Variants in MATN1 observed in about 807,000 individuals in gnomAD.
MATN1 encodes matrilin 1.
MATN1 carries 34 observed loss-of-function variants against 41.3 expected under a neutral mutation model. The observed-to-expected ratio is 0.82, with a 90% CI of 0.63 to 1.10. The LOEUF (loss-of-function observed/expected upper bound fraction) is 1.10. Among genes scored for constraint, MATN1 ranks in the 50% least tolerant of loss-of-function variants. The probability of loss-of-function intolerance (pLI) is 0.00; values close to 1 mark genes in which losing one functional copy is unlikely to be tolerated. For synonymous variants in MATN1, 264 were observed against 278.7 expected (o/e 0.95, Z 0.53); for missense variants, 602 against 662.4 (o/e 0.91, Z 1.00).
chr1:30,716,532 A>G (rs1206692260), intron 4 of MATN1, among the ~76,000 whole-genome samples: 2 of 152,278 alleles, frequency 1.3e-5, no homozygotes, highest in African/African-American at 4.8e-5. Flanking sequence ...CACACAGCTC[A>G]GAAGTGGTAG....
rs34067621 is a variant in MATN1 at position 30,718,589 on chromosome 1, G to GCAC, written c.664+145_664+146insGTG. 119 of 183,028 alleles carry GCAC rather than the reference G, an allele frequency of 6.5e-4. 2 individuals carry two copies. Among genetic ancestry groups the GCAC allele is most frequent in the South Asian group, 1.4e-3 (7 of 4,890 alleles). The allele number at this position is 183,028 out of a possible 1,614,324, so 11.3% of individuals were successfully genotyped here. On this transcript the variant is annotated intron_variant, in intron 3 of 7. Coordinates refer to ENST00000373765, the MANE Select transcript of MATN1 (RefSeq NM_002379.3). ...CTATCTCTCTCCCGTCTCCGCCTCT[G>GCAC]CCCCCCCCCCGGCCCCGCCCCTGCC...
chr1:30,722,345 G>A (rs75574776), intron 1 of MATN1, among the ~76,000 whole-genome samples: 1,763 of 152,348 alleles, frequency 0.012, 31 homozygotes, highest in African/African-American at 0.04. Context: ...GCCTGCTGGC[G>A]GGTTGCCAAA....
intron 7 of MATN1, chr1:30,713,873 G>A (rs191970141): frequency 1.5e-5 from 9 of 592,250 alleles, no homozygotes; most frequent in African/African-American, 1.5e-4. Flanking sequence ...CCTAGTCCTG[G>A]CTGAGCCAGG....
rs1253179211 is a variant in MATN1, at chr1:30,721,720, C to G, written c.126G>C (p.Leu42=). 6.2e-7 allele frequency: 1 copy of G among 1,612,178 alleles called. No individual in the cohort carries two copies. Among genetic ancestry groups the G allele is most frequent in the South Asian group, 1.1e-5 (1 of 91,080 alleles). Residue 42 remains leucine (L), a synonymous_variant, in exon 2 of 8, where the codon CTG becomes CTC. Coordinates refer to ENST00000373765, the MANE Select transcript of MATN1 (RefSeq NM_002379.3). The part of the protein sequence containing the change: ...GHLCRTRPTD[L]VFVVDSSRSV... Reference sequence around the variant, plus strand: ...TGCGAGAGCTGTCGACAACAAACACCAGGTCTGTGGGCCGCGTCCGGCAGA... The same window carrying G: ...TGCGAGAGCTGTCGACAACAAACACGAGGTCTGTGGGCCGCGTCCGGCAGA...
intron 3 of MATN1, 121 bp from the exon 4 acceptor site, chr1:30,717,036 C>G (rs888252030): frequency 3.4e-6 from 4 of 1,164,934 alleles, no homozygotes; most frequent in African/African-American, 1.5e-5. Context: ...CTAAGATCTC[C>G]AACATACTGG....
chr1:30,718,869 G>A lies in MATN1; in HGVS notation c.530C>T (p.Ala177Val), dbSNP rs149233548. The change falls in exon 3 of 8, where the codon GCC becomes GTC. Residue 177 changes from alanine (A) to valine (V), a missense_variant. Transcript: ENST00000373765. The stretch of plus-strand genomic sequence containing the variant: ...CTTGTCCACGCTGCCCACTCCGATG[G>A]CGAACAGCTCGACGCCGCTGGCCCG... Reference protein sequence around the residue: ...RARASGVELFAIGVGSVDKAT... With the variant: ...RARASGVELFVIGVGSVDKAT... 1.9e-6 allele frequency: 3 copies of A among 1,605,224 alleles called. No homozygotes were observed. The highest frequency in any genetic ancestry group is 2.5e-6 in the Non-Finnish European group (3 of 1,178,076).
chr1:30,717,654 G>GT (rs1319723687), intron 3 of MATN1, among the ~76,000 whole-genome samples: 15 of 80,972 alleles, frequency 1.9e-4, no homozygotes, highest in African/African-American at 5.6e-4. Flanking sequence ...TTTTTTTTTT[G>GT]TTTTGTTTTT....
chr1:30,722,066 G>C (rs993173724), intron 1 of MATN1, among the ~76,000 whole-genome samples: 1 of 142,414 alleles, frequency 7.0e-6, no homozygotes, highest in African/African-American at 2.9e-5. Context: ...ATGTTTTGAG[G>C]AGCCAGCAGG....
At chr1:30,721,145 G>T (rs1010013075) in intron 2 of MATN1, 2 of 498,840 alleles carry the variant, frequency 4.0e-6, no homozygotes, top group African/African-American at 3.9e-5. Flanking sequence ...AGACTGGTCG[G>T]GAACCAAGGT....
In MATN1 at chr1:30,716,851, A is replaced by T. The variant is rs759067380; in HGVS notation, c.729T>A (p.Gly243=). 12 of 1,613,736 alleles carry T rather than the reference A, an allele frequency of 7.4e-6. No individual in the cohort carries two copies. In the African/African-American group the frequency reaches 1.3e-4, roughly 18 times the overall value. The change falls in exon 4 of 8, where the codon GGT becomes GGA. Residue 243 remains glycine (G), a synonymous_variant. Coordinates refer to ENST00000373765, the MANE Select transcript of MATN1 (RefSeq NM_002379.3). The stretch of plus-strand genomic sequence containing the variant: ...CCTCGTGGCAGGCGCAGGTGTAGGA[A>T]CCGGGGGAGCTGATGCACACCTGCT... ...DCEQVCISSP[G]SYTCACHEGF...
intron 7 of MATN1, chr1:30,713,893 TG>T: frequency 1.7e-6 from 1 of 588,020 alleles, no homozygotes; most frequent in South Asian, 2.0e-5. Flanking sequence ...GGGAACTGTC[TG>T]GGGCCCAGCC....
At chr1:30,722,717 A>G (rs1437839964) in intron 1 of MATN1, among the ~76,000 whole-genome samples, 2 of 152,206 alleles carry the variant, frequency 1.3e-5, no homozygotes, top group African/African-American at 4.8e-5. Flanking sequence ...CAAAGAGGAA[A>G]GGGGAAACGT....
At position 30,715,202 on chromosome 1, in the gene MATN1, T is replaced by C; in HGVS notation, c.1315A>G (p.Thr439Ala). 6 of 1,614,236 alleles carry C rather than the reference T, an allele frequency of 3.7e-6. No individual in the cohort carries two copies. The highest frequency in any genetic ancestry group is 5.1e-6 in the Non-Finnish European group (6 of 1,180,046). The change falls in exon 6 of 8, where the codon ACC becomes GCC. Residue 439 changes from threonine (T) to alanine (A), a missense_variant. By Grantham distance (58) the Thr-to-Ala change is moderately conservative. Transcript: ENST00000373765. ...EHYFYTADFK[T>A]INQIGKKLQK... ...AACTTCTTGCCTATCTGGTTGATGG[T>C]CTTGAAGTCAGCCGTGTAGAAGTAG... is the stretch of plus-strand genomic sequence containing the variant.
At position 30,711,356 on chromosome 1, in the gene MATN1, G is replaced by A. The variant is rs566548218; in HGVS notation, c.*2226C>T. 3.3e-4 allele frequency: 51 copies of A among 152,338 alleles called. No homozygotes were observed. Among genetic ancestry groups the A allele is most frequent in the African/African-American group, 1.2e-3 (49 of 41,572 alleles). 9.4% of individuals were successfully genotyped at this position (152,338 alleles called of 1,614,324 possible). On this transcript the variant is annotated 3_prime_UTR_variant, in exon 8 of 8. Transcript: ENST00000373765. ...CAAAGTAACTTGCCATCTGTCAGTA[G>A]ACCATGGCTGCCCTCGGGAGATGCT...
Position 30,714,260 on chromosome 1 carries a change from G to A in MATN1, c.1428C>T (p.Ala476=). 1 of 1,607,618 alleles carries A rather than the reference G, an allele frequency of 6.2e-7. No individual in the cohort carries two copies. Among genetic ancestry groups the A allele is most frequent in the Non-Finnish European group, 8.5e-7 (1 of 1,176,980 alleles). Residue 476 remains alanine (A), a synonymous_variant, in exon 7 of 8, where the codon GCC becomes GCT. Coordinates refer to ENST00000373765, the MANE Select transcript of MATN1 (RefSeq NM_002379.3). Reference sequence around the variant, plus strand: ...GGGAAGGGATATGTTTCCTGGTCAGGGCCTGCAGCAGCCCCTCCACTTTGG... The same window carrying A: ...GGGAAGGGATATGTTTCCTGGTCAGAGCCTGCAGCAGCCCCTCCACTTTGG... ...FQAKVEGLLQ[A]LTRKLEAVSK...
At chr1:30,715,771 C>T in intron 5 of MATN1, 138 bp downstream of exon 5, 1 of 828,244 alleles carries the variant, frequency 1.2e-6, no homozygotes, top group Non-Finnish European at 1.8e-6. Flanking sequence ...GAGAATTGGA[C>T]TAACCAATCC....
chr1:30,718,741 A>C lies in MATN1; in HGVS notation c.658T>G (p.Phe220Val), dbSNP rs755023763. ...EKLSRKFQEA[F>V]CVVSDLCATG... Reference sequence around the variant, plus strand: ...CCCCCGCCTGCCCGCGCACCGCAGAAGGCCTCCTGGAACTTCCTGGACAGC... The same window carrying C: ...CCCCCGCCTGCCCGCGCACCGCAGACGGCCTCCTGGAACTTCCTGGACAGC... Residue 220 changes from phenylalanine (F) to valine (V), a missense_variant, in exon 3 of 8, where the codon TTC (phenylalanine) becomes GTC (valine). Phe to Val is a conservative substitution (Grantham distance 50, BLOSUM62 -1). Transcript: ENST00000373765. 3 of 1,581,334 alleles carry C rather than the reference A, an allele frequency of 1.9e-6. No homozygotes were observed. The Admixed American group carries it at 5.2e-5, about 27-fold the overall frequency.
intron 2 of MATN1, 84 bp downstream of exon 2, chr1:30,721,321 A>T: frequency 1.5e-6 from 2 of 1,317,672 alleles, no homozygotes; most frequent in Non-Finnish European, 2.1e-6. Flanking sequence ...GCATCATGGG[A>T]ATCAAAGTGT....
intron 5 of MATN1, 45 bp from the exon 6 acceptor site, chr1:30,715,354 C>A (rs1483694907): frequency 6.2e-7 from 1 of 1,605,298 alleles, no homozygotes; most frequent in South Asian, 1.1e-5. Flanking sequence ...TGGGGATGGG[C>A]AACCATATGG....
Sources: gnomAD v4.1 joint callset for allele counts (sites outside exome capture counted in the v4.1 genomes callset) on GRCh38, gnomAD v4.1.1 for gene constraint, MANE v1.5 for transcripts, NCBI Gene and HGNC (gene_info 2026-07-23, HGNC 2026-07-21) for gene names.